The following TNR variants were observed in gnomAD, a reference collection of about 807,000 sequenced individuals.
TNR encodes the protein tenascin R.
Under a neutral mutation model 150.4 loss-of-function variants are expected in TNR, and 45 were observed. That is an observed-to-expected ratio of 0.30 (90% CI 0.24 to 0.38). The LOEUF is 0.38. TNR is among the 10% of genes least tolerant of loss of function. The probability of loss-of-function intolerance (pLI) is 1.00; values close to 1 mark genes in which losing one functional copy is unlikely to be tolerated. For synonymous variants in TNR, 687 were observed against 678.4 expected (o/e 1.01, Z -0.20); for missense variants, 1,544 against 1,759.1 (o/e 0.88, Z 2.19).
chr1:175,740,750 A>G (rs1667904477), intron 1 of TNR, among the ~76,000 whole-genome samples: 1 of 152,230 alleles, frequency 6.6e-6, no homozygotes, highest in South Asian at 2.1e-4. Context: ...GTCAGAGCCC[A>G]GCCCTCTCCT....
chr1:175,374,776 G>T (rs1040297485), intron 9 of TNR, among the ~76,000 whole-genome samples: 1 of 152,236 alleles, frequency 6.6e-6, no homozygotes, highest in Non-Finnish European at 1.5e-5. Context: ...GTGCCCTGTG[G>T]AGTGGGTAAG....
intron 8 of TNR, among the ~76,000 whole-genome samples, chr1:175,380,203 C>T (rs1571361852): frequency 2.0e-5 from 3 of 152,268 alleles, no homozygotes; most frequent in Admixed American, 2.0e-4. Context: ...TGAATAAACA[C>T]AGCTGTAAAG....
At chr1:175,630,771 T>C (rs1175893330) in intron 1 of TNR, among the ~76,000 whole-genome samples, 2 of 152,184 alleles carry the variant, frequency 1.3e-5, no homozygotes, top group East Asian at 1.9e-4. Flanking sequence ...CTAAATTTAC[T>C]TGTGCTCCTA....
At position 175,711,751 on chromosome 1, in the gene TNR, G is replaced by A. The variant is rs140979834; in HGVS notation, c.-165+31475C>T. Among the ~76,000 whole-genome samples, 205 of 152,284 alleles carry A rather than the reference G, an allele frequency of 1.3e-3. 1 individual carries two copies. The highest frequency in any genetic ancestry group is 4.7e-3 in the African/African-American group (195 of 41,582). On this transcript the variant is annotated intron_variant, in intron 1 of 22. Transcript: ENST00000367674. Reference sequence around the variant, plus strand: ...TGGAAACAGGACTTAAAGATGGAACGAATGGGGATCCATGAGAGAGTGAGA... The same window carrying A: ...TGGAAACAGGACTTAAAGATGGAACAAATGGGGATCCATGAGAGAGTGAGA...
At chr1:175,493,200 G>T (rs958800357) in intron 2 of TNR, among the ~76,000 whole-genome samples, 1 of 152,058 alleles carries the variant, frequency 6.6e-6, no homozygotes, top group African/African-American at 2.4e-5. Context: ...CCAGAAAAAG[G>T]GCTGGTAGAA....
Position 175,453,670 on chromosome 1 carries a change from C to G in TNR, c.-63-46893G>C, listed in dbSNP as rs539798639. Among the ~76,000 whole-genome samples the G allele has an allele frequency of 1.8e-4, 28 of 152,198 alleles. 1 individual carries two copies. The South Asian group carries it at 5.8e-3, about 32-fold the overall frequency. Reference sequence around the variant, plus strand: ...TGAGCTCCTGTGCTCCTCCTGGGCTCCAGTGATCCTCCTACCTCAGCCTCC... The same window carrying G: ...TGAGCTCCTGTGCTCCTCCTGGGCTGCAGTGATCCTCCTACCTCAGCCTCC... On this transcript the variant is annotated intron_variant, in intron 2 of 22. Coordinates refer to ENST00000367674, the MANE Select transcript of TNR (RefSeq NM_003285.3).
At chr1:175,711,163 G>A (rs2101936002) in intron 1 of TNR, among the ~76,000 whole-genome samples, 1 of 152,282 alleles carries the variant, frequency 6.6e-6, no homozygotes, top group African/African-American at 2.4e-5. Flanking sequence ...TACTATGCCA[G>A]AGGGTGATTA....
In TNR at chr1:175,330,074, C is replaced by G; in HGVS notation, c.3793G>C (p.Gly1265Arg). 1.3e-6 allele frequency: 2 copies of G among 1,578,634 alleles called. No individual in the cohort carries two copies. The stretch of plus-strand genomic sequence containing the variant: ...GGGTCTGCTCAGGAGCCATAGGTAC[C>G]CGCAGTGCCGTTGTAGCTTCCTATG... ...LRIGSYNGTA[G>R]DSLSYHQGRP... The change falls in exon 21 of 23, where the codon GGG becomes CGG. Residue 1265 changes from glycine to arginine, a missense_variant and splice_region_variant. Physicochemically the swap from Gly to Arg is moderately radical, Grantham distance 125. Around this residue, in one of 2 missense-constraint regions of TNR, gnomAD observed 290 missense variants for 429.7 expected, o/e 0.67. Coordinates refer to ENST00000367674, the MANE Select transcript of TNR (RefSeq NM_003285.3).
Position 175,474,905 on chromosome 1 carries a change from T to G in TNR, c.-64+53364A>C, listed in dbSNP as rs74127306. On this transcript the variant is annotated intron_variant, in intron 2 of 22. Coordinates refer to ENST00000367674, the MANE Select transcript of TNR (RefSeq NM_003285.3). ...TATGCTCTAACACATACCAGCTAGG[T>G]GACCTCTCTGACTTCATCAACTGTT... 6.2e-3 allele frequency among the ~76,000 whole-genome samples: 941 copies of G among 152,342 alleles called. 9 individuals carry two copies. Among genetic ancestry groups the G allele is most frequent in the African/African-American group, 0.022 (896 of 41,588 alleles).
intron 1 of TNR, among the ~76,000 whole-genome samples, chr1:175,699,425 A>C (rs1008712868): frequency 1.3e-5 from 2 of 152,124 alleles, no homozygotes; most frequent in African/African-American, 4.8e-5. Flanking sequence ...AGCCATTTTC[A>C]GTTGCATTCG....
At chr1:175,378,995 C>A (rs1652537011) in intron 9 of TNR, among the ~76,000 whole-genome samples, 1 of 152,148 alleles carries the variant, frequency 6.6e-6, no homozygotes, top group South Asian at 2.1e-4. Flanking sequence ...GCCTGACCAA[C>A]ATGGAGAAAC....
At chr1:175,456,651 T>C (rs1406658827) in intron 2 of TNR, among the ~76,000 whole-genome samples, 1 of 152,136 alleles carries the variant, frequency 6.6e-6, no homozygotes, top group African/African-American at 2.4e-5. Context: ...AGTTAGCAGC[T>C]CTTGAAAACA....
chr1:175,560,753 C>A (rs1203669228), intron 1 of TNR, among the ~76,000 whole-genome samples: 1 of 152,160 alleles, frequency 6.6e-6, no homozygotes. Flanking sequence ...CTTTTGGTAT[C>A]TTTCCCTTAA....
chr1:175,582,281 G>A (rs1162153931), intron 1 of TNR, among the ~76,000 whole-genome samples: 4 of 152,164 alleles, frequency 2.6e-5, no homozygotes, highest in Non-Finnish European at 4.4e-5. Flanking sequence ...GCCAATATTT[G>A]CTATTGCAAG....
chr1:175,708,212 A>C (rs1666896364), intron 1 of TNR, among the ~76,000 whole-genome samples: 1 of 152,208 alleles, frequency 6.6e-6, no homozygotes, highest in Admixed American at 6.5e-5. Flanking sequence ...CCCTGGGCTC[A>C]TGGTGAGAAC....
At chr1:175,740,444 A>G (rs921084344) in intron 1 of TNR, among the ~76,000 whole-genome samples, 9 of 152,088 alleles carry the variant, frequency 5.9e-5, no homozygotes, top group Non-Finnish European at 1.3e-4. Context: ...TCAACAAAAA[A>G]AAAGTAATAA....
At chr1:175,369,038 C>G (rs1254154597) in intron 9 of TNR, among the ~76,000 whole-genome samples, 1 of 152,154 alleles carries the variant, frequency 6.6e-6, no homozygotes, top group Non-Finnish European at 1.5e-5. Context: ...CTCCAGTGGT[C>G]AGTCTGAGTC....
chr1:175,371,296 C>A (rs1652094587), intron 9 of TNR, among the ~76,000 whole-genome samples: 1 of 152,164 alleles, frequency 6.6e-6, no homozygotes, highest in Non-Finnish European at 1.5e-5. Context: ...ACTCTCTGTT[C>A]CTTATAGAAC....
intron 2 of TNR, among the ~76,000 whole-genome samples, chr1:175,437,803 A>G (rs1015129128): frequency 2.6e-5 from 4 of 152,232 alleles, no homozygotes; most frequent in Admixed American, 6.5e-5. Flanking sequence ...TCCTCGACAC[A>G]TACACCCTCC....
Sources: allele counts gnomAD v4.1 joint callset (sites outside exome capture counted in the v4.1 genomes callset), GRCh38; gene constraint gnomAD v4.1.1; regional missense constraint gnomAD v4.1.1; transcripts MANE v1.5; gene names NCBI Gene and HGNC (gene_info 2026-07-23, HGNC 2026-07-21).